CAST: variants seen among roughly 807,000 people sequenced by gnomAD.
CAST encodes the protein MIR583 host.
Under a neutral mutation model 119.6 loss-of-function variants are expected in CAST, and 76 were observed. That is an observed-to-expected ratio of 0.64 (90% confidence interval 0.53 to 0.77). The LOEUF (loss-of-function observed/expected upper bound fraction) is 0.77. Ranked by LOEUF, CAST falls within the 30% of genes least tolerant of loss-of-function variation. The pLI is 0.00. For missense variants in CAST, 953 were observed against 946.5 expected (o/e 1.01, Z -0.09); for synonymous variants, 319 against 331.6 (o/e 0.96, Z 0.41).
chr5:96,409,471 TTA>T, the CAST span, among the ~76,000 whole-genome samples: 1 of 152,122 alleles, frequency 6.6e-6, no homozygotes, highest in East Asian at 1.9e-4. Context: ...AAGAAAAAGG[TTA>T]TGTTACTGAG....
At chr5:96,188,833 A>G in the CAST span, among the ~76,000 whole-genome samples, 2 of 152,208 alleles carry the variant, frequency 1.3e-5, no homozygotes, top group Non-Finnish European at 2.9e-5. Flanking sequence ...ATGTTATAAC[A>G]CTGATAAATA....
intron 1 of CAST, among the ~76,000 whole-genome samples, chr5:96,671,988 A>G (rs1261772544): frequency 1.3e-5 from 2 of 152,238 alleles, no homozygotes; most frequent in Non-Finnish European, 1.5e-5. Context: ...AATATTGAAT[A>G]ATTTTCAATA....
intron 1 of CAST, among the ~76,000 whole-genome samples, chr5:96,608,832 G>A (rs1306072872): frequency 2.6e-5 from 4 of 152,152 alleles, no homozygotes; most frequent in Admixed American, 6.5e-5. Flanking sequence ...AGAGCAGGCA[G>A]AAGAAAGAGC....
chr5:96,453,641 GT>G, the CAST span, among the ~76,000 whole-genome samples: 2 of 152,320 alleles, frequency 1.3e-5, no homozygotes, highest in South Asian at 4.1e-4. Context: ...GCTCCTCTCA[GT>G]GGCAATGTTT....
chr5:96,370,129 A>G, the CAST span, among the ~76,000 whole-genome samples: 7 of 151,590 alleles, frequency 4.6e-5, no homozygotes, highest in Non-Finnish European at 7.4e-5. Flanking sequence ...AGGAGGTATT[A>G]ATATATTTTA....
At position 96,561,796 on chromosome 5, in the gene CAST, G is replaced by GTTTTTTTTTTTTT. The variant is rs11375615; in HGVS notation, c.60+31918_60+31930dup. On this transcript the variant is annotated intron_variant, in intron 1 of 11. Transcript: ENST00000505143. ...GTGTATTATATATATGTTTTTTTTT[G>GTTTTTTTTTTTTT]TTTTTTTTTTTTTTGAGACGGAGTC... is the stretch of plus-strand genomic sequence containing the variant. Among the ~76,000 whole-genome samples, 227 of 97,374 alleles carry GTTTTTTTTTTTTT rather than the reference G, an allele frequency of 2.3e-3. 24 individuals are homozygous for GTTTTTTTTTTTTT. The highest frequency in any genetic ancestry group is 0.01 in the East Asian group (29 of 2,770). The allele number at this position is 97,374 out of a possible 152,430, so 63.9% of individuals were successfully genotyped here. A position where few individuals can be genotyped will look rare whatever the true frequency, so the allele number is the denominator to read the frequency against.
At chr5:96,628,029 C>A (rs1319027564) in intron 1 of CAST, among the ~76,000 whole-genome samples, 2 of 152,200 alleles carry the variant, frequency 1.3e-5, no homozygotes, top group Non-Finnish European at 2.9e-5. Context: ...AAATGCCACC[C>A]TCTCTTATAC....
At chr5:96,393,371 G>A in the CAST span, 2 of 1,613,732 alleles carry the variant, frequency 1.2e-6, no homozygotes, top group Non-Finnish European at 1.7e-6. Flanking sequence ...CTCTTGTGTG[G>A]GCTGCTCCTA....
At chr5:96,371,862 C>A in the CAST span, among the ~76,000 whole-genome samples, 1 of 152,136 alleles carries the variant, frequency 6.6e-6, no homozygotes, top group Non-Finnish European at 1.5e-5. Flanking sequence ...GGATTTATGA[C>A]CATTACAGAG....
At position 96,713,135 on chromosome 5, in the gene CAST, T is replaced by C. The variant is rs540005865; in HGVS notation, c.211-9504T>C. Among the ~76,000 whole-genome samples the C allele has an allele frequency of 4.0e-3, 580 of 145,650 alleles. 6 individuals carry two copies. Among genetic ancestry groups the C allele is most frequent in the African/African-American group, 0.014 (548 of 39,178 alleles). On this transcript the variant is annotated intron_variant, in intron 3 of 31. Coordinates refer to ENST00000675179, the MANE Select transcript of CAST (RefSeq NM_001750.7). ...GTTCAGCAGACCTCAGAATTTCTCT[T>C]TTTTTTTTTTTTTTTGAGATGGAGG...
chr5:96,579,699 C>G (rs1746737873), intron 1 of CAST, among the ~76,000 whole-genome samples: 2 of 152,170 alleles, frequency 1.3e-5, no homozygotes, highest in African/African-American at 4.8e-5. Flanking sequence ...TCTCTTTCAG[C>G]CATCTCTTGA....
chr5:96,764,577 C>G (rs1769157890), intron 25 of CAST, among the ~76,000 whole-genome samples: 1 of 152,166 alleles, frequency 6.6e-6, no homozygotes, highest in Admixed American at 6.5e-5. Flanking sequence ...AAGCCCCTTC[C>G]ACTCTCCTGA....
the CAST span, among the ~76,000 whole-genome samples, chr5:96,086,724 T>A: frequency 6.6e-6 from 1 of 152,192 alleles, no homozygotes; most frequent in African/African-American, 2.4e-5. Flanking sequence ...TCTGTCTGTG[T>A]AAACCTGGGT....
At chr5:96,242,812 A>G in the CAST span, among the ~76,000 whole-genome samples, 4 of 152,204 alleles carry the variant, frequency 2.6e-5, no homozygotes, top group Non-Finnish European at 5.9e-5. Flanking sequence ...TGTTGACTTG[A>G]CCATAAAAGA....
chr5:96,636,542 C>A (rs201254255), intron 1 of CAST, among the ~76,000 whole-genome samples: 5 of 150,802 alleles, frequency 3.3e-5, no homozygotes, highest in African/African-American at 4.9e-5. Flanking sequence ...TTTTATTTGG[C>A]AAAAAAAAAT....
the CAST span, among the ~76,000 whole-genome samples, chr5:96,249,774 A>G: frequency 6.6e-6 from 1 of 152,270 alleles, no homozygotes; most frequent in Non-Finnish European, 1.5e-5. Flanking sequence ...AGGAACTCAT[A>G]GATTCATAGA....
At chr5:96,020,166 C>T in the CAST span, among the ~76,000 whole-genome samples, 1 of 152,174 alleles carries the variant, frequency 6.6e-6, no homozygotes, top group Non-Finnish European at 1.5e-5. Flanking sequence ...TTGTACTCAG[C>T]TCTGTTTGAC....
chr5:96,443,421 C>T, the CAST span, among the ~76,000 whole-genome samples: 1 of 152,198 alleles, frequency 6.6e-6, no homozygotes, highest in African/African-American at 2.4e-5. Flanking sequence ...CATCCTGCCC[C>T]AACACCCAAC....
chr5:96,656,783 G>T (rs1047361197), intron 1 of CAST, among the ~76,000 whole-genome samples: 1 of 152,102 alleles, frequency 6.6e-6, no homozygotes, highest in African/African-American at 2.4e-5. Context: ...GGAGGAACAG[G>T]GGTGAGCCGG....
Sources: gnomAD v4.1 joint callset for allele counts (sites outside exome capture counted in the v4.1 genomes callset) on GRCh38, gnomAD v4.1.1 for gene constraint, MANE v1.5 for transcripts, NCBI Gene and HGNC (gene_info 2026-07-23, HGNC 2026-07-21) for gene names.